The following AKAP13 variants were observed in gnomAD, a reference collection of about 807,000 sequenced individuals.
AKAP13 encodes A-kinase anchoring protein 13, also known as A-kinase anchor protein 13.
AKAP13 carries 80 observed loss-of-function variants against 264.5 expected under a neutral mutation model. The observed-to-expected ratio is 0.30, with a 90% CI of 0.25 to 0.36. The LOEUF (loss-of-function observed/expected upper bound fraction) is 0.36, where lower values mean the gene tolerates loss of function less well. Ranked by LOEUF, AKAP13 falls within the 10% of genes least tolerant of loss-of-function variation. AKAP13 has a pLI of 1.00. For missense variants in AKAP13, 3,712 were observed against 3,435.2 expected (o/e 1.08, Z -2.01); for synonymous variants, 1,380 against 1,250.2 (o/e 1.10, Z -2.19).
chr15:85,451,863 T>A (rs1169810174), intron 1 of AKAP13, among the ~76,000 whole-genome samples: 2 of 152,218 alleles, frequency 1.3e-5, no homozygotes, highest in Admixed American at 6.5e-5. Context: ...TCTTCATGTG[T>A]AGAATATTGC....
intron 2 of AKAP13, among the ~76,000 whole-genome samples, chr15:85,502,273 G>A (rs527500531): frequency 1.9e-4 from 29 of 152,234 alleles, no homozygotes; most frequent in African/African-American, 7.0e-4. Flanking sequence ...CTGTAATATA[G>A]GGTAGTATGT....
chr15:85,674,818 A>ATATG (rs59203096), intron 14 of AKAP13, among the ~76,000 whole-genome samples: 2,976 of 146,736 alleles, frequency 0.02, 103 homozygotes, highest in African/African-American at 0.068. Context: ...ATTTACTGAA[A>ATATG]TATGTATGTG....
intron 5 of AKAP13, among the ~76,000 whole-genome samples, chr15:85,562,574 A>AAAAAAAATATATATATATATATAT (rs1351834745): frequency 2.6e-5 from 2 of 77,668 alleles, no homozygotes; most frequent in African/African-American, 8.0e-5. Flanking sequence ...CAAAAAAAAA[A>AAAAAAAATATATATATATATATAT]ATATATATAT....
chr15:85,701,666 A>G (rs1031572546), intron 17 of AKAP13, among the ~76,000 whole-genome samples: 37 of 1,836 alleles, frequency 0.02, no homozygotes, highest in Admixed American at 0.18. Flanking sequence ...CTGGTCTTGA[A>G]CTCCTGACTC....
At chr15:85,730,858 A>T (rs2087950351) in intron 30 of AKAP13, 151 bp downstream of exon 30, 1 of 741,152 alleles carries the variant, frequency 1.3e-6, no homozygotes, top group African/African-American at 1.8e-5. Context: ...TTATCAGGTG[A>T]ATATCCTTTT....
chr15:85,414,512 A>T (rs541438246), intron 1 of AKAP13, among the ~76,000 whole-genome samples: 78 of 152,356 alleles, frequency 5.1e-4, no homozygotes, highest in African/African-American at 1.9e-3. Context: ...GATTTAGATG[A>T]TGATATAGAG....
chr15:85,475,627 C>T (rs1002888240), intron 1 of AKAP13, among the ~76,000 whole-genome samples: 16 of 152,310 alleles, frequency 1.1e-4, no homozygotes, highest in African/African-American at 3.8e-4. Flanking sequence ...CAGCTCTGGT[C>T]CCTATTACCT....
At chr15:85,616,080 T>C (rs1282169091) in intron 8 of AKAP13, among the ~76,000 whole-genome samples, 1 of 152,196 alleles carries the variant, frequency 6.6e-6, no homozygotes, top group Non-Finnish European at 1.5e-5. Flanking sequence ...TATGTTCACT[T>C]TGGGGTTTCA....
chr15:85,440,792 T>C (rs762602067), intron 1 of AKAP13, among the ~76,000 whole-genome samples: 3 of 152,208 alleles, frequency 2.0e-5, no homozygotes, highest in Non-Finnish European at 4.4e-5. Context: ...CTGCCTCTTT[T>C]TTCTCACCTC....
chr15:85,402,068 T>G (rs2071446452), intron 1 of AKAP13, among the ~76,000 whole-genome samples: 2 of 152,190 alleles, frequency 1.3e-5, no homozygotes, highest in Non-Finnish European at 2.9e-5. Context: ...CCACTCCACC[T>G]CAATTCTCCC....
intron 1 of AKAP13, among the ~76,000 whole-genome samples, chr15:85,385,908 G>A (rs1034267362): frequency 2.6e-5 from 4 of 152,028 alleles, no homozygotes; most frequent in African/African-American, 4.8e-5. Context: ...TCACTGCAAC[G>A]TCTGCCTCCT....
rs1555447754 is a variant in AKAP13, at chr15:85,585,684, A to C, written c.4040-18A>C. On this transcript the variant is annotated intron_variant, in intron 7 of 36. Coordinates refer to ENST00000394518, the MANE Select transcript of AKAP13 (RefSeq NM_007200.5). ...TCAGTTTTTAAAAATGTACTCTGTA[A>C]CCCCCCTGCACTTTCAGAAATGCCA... 2 of 1,613,980 alleles carry C rather than the reference A, an allele frequency of 1.2e-6. No individual in the cohort carries two copies. The highest frequency in any genetic ancestry group is 2.2e-5 in the South Asian group (2 of 91,070).
chr15:85,673,786 T>C (rs1441047186), intron 14 of AKAP13, among the ~76,000 whole-genome samples: 4 of 145,472 alleles, frequency 2.7e-5, no homozygotes, highest in Non-Finnish European at 6.0e-5. Context: ...CCCGGGTTCA[T>C]GCCATTCTCC....
rs2079736813 is a variant in AKAP13, at chr15:85,594,790, G to GT, written c.4161+8971dup. 2.0e-5 allele frequency among the ~76,000 whole-genome samples: 3 copies of GT among 152,200 alleles called. No individual in the cohort carries two copies. In the South Asian group the frequency reaches 6.2e-4, roughly 31 times the overall value. ...TACCTGGGTACCTACAATTTAGGCA[G>GT]TTTTAGATATTCCATATTAGGTTTT... is the stretch of plus-strand genomic sequence containing the variant. On this transcript the variant is annotated intron_variant, in intron 8 of 36. Coordinates refer to ENST00000394518, the MANE Select transcript of AKAP13 (RefSeq NM_007200.5).
At chr15:85,645,320 T>A (rs1221306493) in intron 9 of AKAP13, among the ~76,000 whole-genome samples, 1 of 152,214 alleles carries the variant, frequency 6.6e-6, no homozygotes, top group Non-Finnish European at 1.5e-5. Flanking sequence ...CTTTGGCATA[T>A]TATGCCCCCA....
chr15:85,562,537 C>A (rs1251524443), intron 5 of AKAP13, among the ~76,000 whole-genome samples: 2 of 129,018 alleles, frequency 1.6e-5, no homozygotes, highest in Non-Finnish European at 3.1e-5. Context: ...TGCACTCCAT[C>A]CTGGGTGACA....
chr15:85,391,395 T>A (rs2070847224), intron 1 of AKAP13, among the ~76,000 whole-genome samples: 1 of 152,202 alleles, frequency 6.6e-6, no homozygotes, highest in African/African-American at 2.4e-5. Flanking sequence ...ACGAAGATAG[T>A]CTGGAAGGAG....
chr15:85,477,280 C>A (rs777730968), intron 1 of AKAP13, among the ~76,000 whole-genome samples: 1 of 151,626 alleles, frequency 6.6e-6, no homozygotes, highest in Admixed American at 6.6e-5. Flanking sequence ...CCCTGGTGCT[C>A]AAGTCTACAA....
chr15:85,689,031 T>C (rs1227563287), intron 16 of AKAP13, among the ~76,000 whole-genome samples: 2 of 152,244 alleles, frequency 1.3e-5, no homozygotes, highest in Non-Finnish European at 2.9e-5. Context: ...TTTTCTTTTT[T>C]CTAAACCACA....
Sources: gnomAD v4.1 joint callset for allele counts (sites outside exome capture counted in the v4.1 genomes callset) on GRCh38, gnomAD v4.1.1 for gene constraint, MANE v1.5 for transcripts, NCBI Gene and HGNC (gene_info 2026-07-23, HGNC 2026-07-21) for gene names.